RAP1GAP2: variants seen among roughly 807,000 people sequenced by gnomAD.
RAP1GAP2 encodes the protein RAP1 GTPase activating protein 2, also known as rap1 GTPase-activating protein 2.
Under a neutral mutation model 95.0 loss-of-function variants are expected in RAP1GAP2, and 27 were observed. The observed-to-expected ratio is 0.28, with a 90% confidence interval of 0.21 to 0.39. The LOEUF (loss-of-function observed/expected upper bound fraction) is 0.39, where lower values mean the gene tolerates loss of function less well. RAP1GAP2 is among the 10% of genes least tolerant of loss of function. The probability of loss-of-function intolerance (pLI) is 1.00; values close to 1 mark genes in which losing one functional copy is unlikely to be tolerated. For synonymous variants in RAP1GAP2, 373 were observed against 380.9 expected (o/e 0.98, Z 0.24); for missense variants, 771 against 970.0 (o/e 0.79, Z 2.72).
Position 2,831,946 on chromosome 17 carries a change from T to C in RAP1GAP2, c.80+31396T>C, listed in dbSNP as rs550603667. On this transcript the variant is annotated intron_variant, in intron 2 of 24. Transcript: ENST00000254695. ...ACAGGCTGGGCGTGGTGGCTCACGC[T>C]TTTAATCCCAGCACTTTGGGAGGCT... Among the ~76,000 whole-genome samples, 60 of 150,254 alleles carry C rather than the reference T, an allele frequency of 4.0e-4. No homozygotes were observed. In the East Asian group the frequency reaches 5.0e-3, roughly 13 times the overall value.
intron 13 of RAP1GAP2, among the ~76,000 whole-genome samples, chr17:2,996,370 G>A (rs1368818776): frequency 6.6e-6 from 1 of 152,176 alleles, no homozygotes; most frequent in Non-Finnish European, 1.5e-5. Flanking sequence ...TTTCAGTCTG[G>A]GAAAATAAGA....
intron 2 of RAP1GAP2, among the ~76,000 whole-genome samples, chr17:2,896,281 C>T (rs1459623967): frequency 6.6e-5 from 10 of 152,132 alleles, no homozygotes; most frequent in Admixed American, 3.9e-4. Context: ...ACACAGACGT[C>T]GCCTCCCACG....
chr17:2,968,775 C>T (rs1026098383), intron 8 of RAP1GAP2, among the ~76,000 whole-genome samples: 1 of 152,022 alleles, frequency 6.6e-6, no homozygotes, highest in African/African-American at 2.4e-5. Context: ...AAAAAACCTA[C>T]ACAAATTGAT....
chr17:2,831,703 G>C (rs116664592), intron 2 of RAP1GAP2, among the ~76,000 whole-genome samples: 6 of 151,706 alleles, frequency 4.0e-5, no homozygotes, highest in East Asian at 1.9e-4. Flanking sequence ...CCAGCCTGGT[G>C]GGGGGGCAGC....
At position 3,027,821 on chromosome 17, in the gene RAP1GAP2, G is replaced by A. The variant is rs1188585859; in HGVS notation, c.2107+751G>A. Among the ~76,000 whole-genome samples, 1 of 151,828 alleles carries A rather than the reference G, an allele frequency of 6.6e-6. No individual in the cohort carries two copies. The highest frequency in any genetic ancestry group is 1.5e-5 in the Non-Finnish European group (1 of 67,928). On this transcript the variant is annotated intron_variant, in intron 22 of 24. Coordinates refer to ENST00000254695, the MANE Select transcript of RAP1GAP2 (RefSeq NM_015085.5). This position sits in a 1 kb window ranked among gnomAD's most constrained non-coding sequence, Gnocchi z 5.2. ...AGAGGAGGGGAGGGGAGCTGCGGCA[G>A]AAGCACCTCGGTTCAGGAGAGATCA... is the stretch of plus-strand genomic sequence containing the variant.
intron 3 of RAP1GAP2, among the ~76,000 whole-genome samples, chr17:2,950,857 C>T (rs2043899725): frequency 6.6e-6 from 1 of 152,088 alleles, no homozygotes; most frequent in Admixed American, 6.6e-5. Flanking sequence ...GTGATCCACC[C>T]ACCTCAGCCT....
intron 2 of RAP1GAP2, among the ~76,000 whole-genome samples, chr17:2,831,704 G>A (rs999847530): frequency 6.6e-6 from 1 of 151,588 alleles, no homozygotes; most frequent in Non-Finnish European, 1.5e-5. Context: ...CAGCCTGGTG[G>A]GGGGGCAGCA....
intron 1 of RAP1GAP2, among the ~76,000 whole-genome samples, chr17:2,781,844 G>A (rs1275533996): frequency 6.8e-6 from 1 of 147,868 alleles, no homozygotes; most frequent in South Asian, 2.2e-4. Flanking sequence ...GTGTGGGCAC[G>A]TCTCTGTGTG....
chr17:2,763,563 G>T (rs1385437854), intron 1 of RAP1GAP2, among the ~76,000 whole-genome samples: 3 of 152,068 alleles, frequency 2.0e-5, no homozygotes, highest in African/African-American at 7.2e-5. Flanking sequence ...GGGCGTGGTG[G>T]CGGGTGCCTG....
intron 3 of RAP1GAP2, among the ~76,000 whole-genome samples, chr17:2,930,862 G>A (rs1480648966): frequency 2.0e-5 from 3 of 152,168 alleles, no homozygotes; most frequent in East Asian, 1.9e-4. Context: ...GGTGGCTCAC[G>A]CCTGTAATCC....
chr17:3,016,282 T>C (rs1421455662), intron 17 of RAP1GAP2, among the ~76,000 whole-genome samples: 1 of 152,258 alleles, frequency 6.6e-6, no homozygotes, highest in Admixed American at 6.5e-5. Flanking sequence ...CCAGTGGATA[T>C]GCCCTCCTCT....
chr17:2,937,442 G>A (rs2043340007), intron 3 of RAP1GAP2, among the ~76,000 whole-genome samples: 1 of 152,172 alleles, frequency 6.6e-6, no homozygotes, highest in Non-Finnish European at 1.5e-5. Context: ...TCCTGAGGCT[G>A]GGGCTGCAGG....
chr17:2,823,645 C>T (rs547228899), intron 2 of RAP1GAP2, among the ~76,000 whole-genome samples: 1 of 152,298 alleles, frequency 6.6e-6, no homozygotes, highest in East Asian at 1.9e-4. Context: ...CCACAGCTCA[C>T]ACACACATCC....
chr17:2,883,256 T>A (rs2073371437), intron 2 of RAP1GAP2, among the ~76,000 whole-genome samples: 1 of 152,220 alleles, frequency 6.6e-6, no homozygotes, highest in African/African-American at 2.4e-5. Context: ...AAGCCTTTCC[T>A]GAGCTCCCCA....
chr17:2,903,893 G>C lies in RAP1GAP2; in HGVS notation c.81-1391G>C, dbSNP rs1327014358. Among the ~76,000 whole-genome samples, 1 of 152,212 alleles carries C rather than the reference G, an allele frequency of 6.6e-6. No individual in the cohort carries two copies. The highest frequency in any genetic ancestry group is 2.4e-5 in the African/African-American group (1 of 41,456). On this transcript the variant is annotated intron_variant, in intron 2 of 24. Coordinates refer to ENST00000254695, the MANE Select transcript of RAP1GAP2 (RefSeq NM_015085.5). This position sits in a 1 kb window ranked among gnomAD's most constrained non-coding sequence, Gnocchi z 4.1. Reference sequence around the variant, plus strand: ...GGGGTCTGGGCCTGGAAACCTGGAGGGCTGGGCTCTGTAGGGAGGGTGGGT... The same window carrying C: ...GGGGTCTGGGCCTGGAAACCTGGAGCGCTGGGCTCTGTAGGGAGGGTGGGT...
chr17:2,855,110 A>C lies in RAP1GAP2; in HGVS notation c.81-50174A>C, dbSNP rs1261445735. Among the ~76,000 whole-genome samples the C allele has an allele frequency of 2.0e-5, 3 of 152,270 alleles. No individual in the cohort carries two copies. The highest frequency in any genetic ancestry group is 7.2e-5 in the African/African-American group (3 of 41,568). On this transcript the variant is annotated intron_variant, in intron 2 of 24. Coordinates refer to ENST00000254695, the MANE Select transcript of RAP1GAP2 (RefSeq NM_015085.5). The surrounding 1 kb of genome is among the most constrained non-coding windows in gnomAD (Gnocchi z 4.3). ...CCTGGGGTGGTGGTAGGCAGGGAAT[A>C]CGGGGGACTTTGAGAAGCTGGCATG...
chr17:2,990,625 G>A (rs1177161311), intron 11 of RAP1GAP2, among the ~76,000 whole-genome samples: 1 of 152,180 alleles, frequency 6.6e-6, no homozygotes, highest in African/African-American at 2.4e-5. Flanking sequence ...TAGTGACTCT[G>A]CATTTAGCCT....
At chr17:2,771,538 G>T (rs567089157) in intron 2 of RAP1GAP2, among the ~76,000 whole-genome samples, 279 of 142,706 alleles carry the variant, frequency 2.0e-3, no homozygotes, top group African/African-American at 6.4e-3. Flanking sequence ...TTGTCGTCCA[G>T]GCTGGAGTGT....
intron 2 of RAP1GAP2, among the ~76,000 whole-genome samples, chr17:2,811,396 T>A (rs2069764640): frequency 6.6e-6 from 1 of 152,338 alleles, no homozygotes; most frequent in South Asian, 2.1e-4. Context: ...CGTGAGGGGC[T>A]GCTCTTGTCG....
Sources: gnomAD v4.1 joint callset for allele counts (sites outside exome capture counted in the v4.1 genomes callset) on GRCh38, gnomAD v4.1.1 for gene constraint, Gnocchi (gnomAD v3.1) non-coding constraint, MANE v1.5 for transcripts, NCBI Gene and HGNC (gene_info 2026-07-23, HGNC 2026-07-21) for gene names.